The following CHM variants were observed in gnomAD, a reference collection of about 807,000 sequenced individuals.
The protein encoded by CHM is CHM Rab escort protein.
Under a neutral mutation model 49.0 loss-of-function variants are expected in CHM, and 10 were observed. The ratio of observed to expected loss-of-function variants is 0.20; its 90% CI spans 0.13 to 0.35. CHM has a LOEUF of 0.35. Ranked by LOEUF, CHM falls within the 10% of genes least tolerant of loss-of-function variation. The probability of loss-of-function intolerance (pLI) is 1.00; values close to 1 mark genes in which losing one functional copy is unlikely to be tolerated. For synonymous variants in CHM, 184 were observed against 167.5 expected (o/e 1.10, Z -0.76); for missense variants, 455 against 478.4 (o/e 0.95, Z 0.46).
At chrX:85,912,741 A>C (rs1927105760) in intron 8 of CHM, among the ~76,000 whole-genome samples, 1 of 111,511 alleles carries the variant, frequency 9.0e-6, no homozygotes. Flanking sequence ...GCCAGGGAGC[A>C]GAGGCTCACA....
At chrX:86,002,707 C>T (rs1603275738) in intron 2 of CHM, among the ~76,000 whole-genome samples, 1 of 112,338 alleles carries the variant, frequency 8.9e-6, no homozygotes, top group Admixed American at 9.4e-5. Context: ...ATTGCTGAAG[C>T]ATGAGTAGGT....
intron 8 of CHM, among the ~76,000 whole-genome samples, chrX:85,952,530 T>C (rs917600246): frequency 8.9e-6 from 1 of 111,773 alleles, no homozygotes; most frequent in African/African-American, 3.2e-5. Flanking sequence ...ACTTGCTAGT[T>C]AAAAGCCCTT....
chrX:85,986,309 T>C (rs1286500063), intron 2 of CHM, among the ~76,000 whole-genome samples: 5 of 110,932 alleles, frequency 4.5e-5, no homozygotes, highest in Non-Finnish European at 9.4e-5. Flanking sequence ...TGCCTCCAAG[T>C]TGTGGAAAAA....
At chrX:85,988,267 T>C (rs1180320823) in intron 2 of CHM, among the ~76,000 whole-genome samples, 1 of 112,279 alleles carries the variant, frequency 8.9e-6, no homozygotes, top group African/African-American at 3.2e-5. Flanking sequence ...CATGTTTATC[T>C]CAATAGATGC....
intron 2 of CHM, among the ~76,000 whole-genome samples, chrX:86,008,457 G>C (rs1932922043): frequency 9.0e-6 from 1 of 111,176 alleles, no homozygotes; most frequent in Non-Finnish European, 1.9e-5. Context: ...TTTAAAAAGT[G>C]ATAGCAGTAT....
intron 12 of CHM, among the ~76,000 whole-genome samples, chrX:85,887,860 C>T (rs185703558): frequency 1.4e-3 from 153 of 111,271 alleles, no homozygotes; most frequent in African/African-American, 4.8e-3. Context: ...AGATGATTTA[C>T]GGTATCTGGT....
chrX:85,932,024 T>C (rs1477180735), intron 8 of CHM, among the ~76,000 whole-genome samples: 1 of 111,555 alleles, frequency 9.0e-6, no homozygotes, highest in African/African-American at 3.3e-5. Flanking sequence ...CAAACTGACA[T>C]TAAGGAATTA....
Position 85,901,891 on chromosome X carries a change from T to C in CHM, c.1245-703A>G, listed in dbSNP as rs577303375. On this transcript the variant is annotated intron_variant, in intron 9 of 14. Transcript: ENST00000357749. ...ACAATGAATCATATAGAACCCTCCATTGACCTTCTTTCAATGTGTCTAGAT... is the reference window on the plus strand; with the variant it reads ...ACAATGAATCATATAGAACCCTCCACTGACCTTCTTTCAATGTGTCTAGAT... Among the ~76,000 whole-genome samples, 9 of 111,771 alleles carry C rather than the reference T, an allele frequency of 8.1e-5. No individual in the cohort carries two copies. In the East Asian group the frequency reaches 1.7e-3, roughly 21 times the overall value.
chrX:86,034,787 A>G (rs748064179), intron 1 of CHM, among the ~76,000 whole-genome samples: 1 of 111,525 alleles, frequency 9.0e-6, no homozygotes, highest in South Asian at 3.8e-4. Context: ...TCTCAAAACA[A>G]AACAAAACAA....
chrX:85,941,421 A>G (rs150045594), intron 8 of CHM, among the ~76,000 whole-genome samples: 113 of 111,776 alleles, frequency 1.0e-3, no homozygotes, highest in African/African-American at 3.6e-3. Flanking sequence ...ACACTGCTCT[A>G]TCGTTTCCTT....
intron 5 of CHM, among the ~76,000 whole-genome samples, chrX:85,961,527 A>G (rs1227413188): frequency 9.2e-6 from 1 of 109,004 alleles, no homozygotes; most frequent in Non-Finnish European, 1.9e-5. Context: ...ATTAGAACAG[A>G]TAAAATTTCT....
intron 1 of CHM, among the ~76,000 whole-genome samples, chrX:86,032,641 G>A (rs996326666): frequency 7.4e-4 from 83 of 111,783 alleles, no homozygotes; most frequent in African/African-American, 2.5e-3. Context: ...TCACATTATT[G>A]AATATAATTA....
At chrX:85,901,374 C>T (rs1335422235) in intron 9 of CHM, among the ~76,000 whole-genome samples, 186 bp from the exon 10 acceptor site, 1 of 111,226 alleles carries the variant, frequency 9.0e-6, no homozygotes, top group African/African-American at 3.3e-5. Flanking sequence ...ATTCTTGTTG[C>T]TATTTTGAGG....
intron 8 of CHM, among the ~76,000 whole-genome samples, chrX:85,937,935 G>T (rs536938022): frequency 9.0e-6 from 1 of 110,834 alleles, no homozygotes; most frequent in East Asian, 2.8e-4. Flanking sequence ...TATAGCCAAT[G>T]TAATTCCAAT....
intron 12 of CHM, among the ~76,000 whole-genome samples, chrX:85,889,867 C>G: frequency 8.9e-6 from 1 of 111,942 alleles, no homozygotes; most frequent in Non-Finnish European, 1.9e-5. Flanking sequence ...TACTATGCAG[C>G]CATAAAATCA....
At chrX:85,959,075 T>C in intron 5 of CHM, 98 bp from the exon 6 acceptor site, 1 of 993,938 alleles carries the variant, frequency 1.0e-6, no homozygotes. Context: ...TTATTATTTG[T>C]AGAAACAATC....
chrX:86,027,648 G>A, intron 1 of CHM, 91 bp from the exon 2 acceptor site: 1 of 721,291 alleles, frequency 1.4e-6, no homozygotes, highest in Admixed American at 2.4e-5. Context: ...GTATAGAACA[G>A]TTTAACCACC....
intron 2 of CHM, among the ~76,000 whole-genome samples, chrX:85,996,418 C>A (rs937247062): frequency 9.0e-6 from 1 of 111,339 alleles, no homozygotes; most frequent in Admixed American, 9.6e-5. Flanking sequence ...TGAGGTAGAG[C>A]TTTTTCAAGC....
intron 2 of CHM, among the ~76,000 whole-genome samples, chrX:86,017,774 AT>A (rs1933367271): frequency 8.9e-6 from 1 of 111,958 alleles, no homozygotes; most frequent in Non-Finnish European, 1.9e-5. Context: ...AAAAGAAAAA[AT>A]CTAGGCAAAT....
Sources: allele counts gnomAD v4.1 joint callset (sites outside exome capture counted in the v4.1 genomes callset), GRCh38; gene constraint gnomAD v4.1.1; transcripts MANE v1.5; gene names NCBI Gene and HGNC (gene_info 2026-07-23, HGNC 2026-07-21).